SMCO2: variants seen among roughly 807,000 people sequenced by gnomAD.
SMCO2 encodes single-pass membrane and coiled-coil domain-containing protein 2.
Under a neutral mutation model 29.5 loss-of-function variants are expected in SMCO2, and 25 were observed. The observed-to-expected ratio is 0.85, with a 90% CI of 0.62 to 1.18. SMCO2 has a LOEUF of 1.18. Ranked by LOEUF, SMCO2 falls within the 50% of genes most tolerant of loss-of-function variation. The pLI, the probability that SMCO2 is intolerant of heterozygous loss-of-function variation, is 0.00. For synonymous variants in SMCO2, 117 were observed against 123.3 expected, an observed-to-expected ratio of 0.95 and a Z score of 0.34; for missense variants, 348 against 344.5, an observed-to-expected ratio of 1.01 and a Z score of -0.08.
chr12:27,495,718 A>T, exon 7 of SMCO2: 2 of 1,531,176 alleles, frequency 1.3e-6, no homozygotes, highest in Non-Finnish European at 1.8e-6. Flanking sequence ...GTGCAAAGCT[A>T]AGGATGTATC....
chr12:27,440,170 AG>A, the SMCO2 span, among the ~76,000 whole-genome samples: 1 of 152,212 alleles, frequency 6.6e-6, no homozygotes, highest in African/African-American at 2.4e-5. Flanking sequence ...CAGAAACCAC[AG>A]GGGCCAGGAG....
the SMCO2 span, among the ~76,000 whole-genome samples, chr12:27,444,971 T>C: frequency 6.6e-6 from 1 of 152,070 alleles, no homozygotes; most frequent in Non-Finnish European, 1.5e-5. Flanking sequence ...ATAAAGAAAA[T>C]GTGATATATA....
At chr12:27,476,313 A>G (rs962624357) in intron 4 of SMCO2, among the ~76,000 whole-genome samples, 3 of 152,212 alleles carry the variant, frequency 2.0e-5, no homozygotes, top group African/African-American at 7.2e-5. Flanking sequence ...CCTCGTGCTG[A>G]TGAGAAGAAG....
chr12:27,429,166 C>T, the SMCO2 span, among the ~76,000 whole-genome samples: 18 of 151,872 alleles, frequency 1.2e-4, no homozygotes, highest in African/African-American at 3.9e-4. Flanking sequence ...TTTGTAGTAA[C>T]GTATTAGTAG....
chr12:27,490,760 A>G (rs1949728952), intron 5 of SMCO2, among the ~76,000 whole-genome samples: 1 of 152,042 alleles, frequency 6.6e-6, no homozygotes, highest in Non-Finnish European at 1.5e-5. Flanking sequence ...CGAGACCCCT[A>G]TCTCTACAAA....
chr12:27,455,125 G>A, the SMCO2 span, among the ~76,000 whole-genome samples: 113 of 152,304 alleles, frequency 7.4e-4, no homozygotes, highest in Non-Finnish European at 1.3e-3. Context: ...CTGGGTTCTG[G>A]AGGCCCCAGA....
At chr12:27,446,776 A>T in the SMCO2 span, among the ~76,000 whole-genome samples, 5 of 152,012 alleles carry the variant, frequency 3.3e-5, no homozygotes, top group South Asian at 1.0e-3. Flanking sequence ...GCCCTTGGGG[A>T]GCTTCTTAAA....
At chr12:27,474,643 C>A in intron 3 of SMCO2, 143 bp from the exon 4 acceptor site, 1 of 906,348 alleles carries the variant, frequency 1.1e-6, no homozygotes, top group Non-Finnish European at 1.6e-6. Context: ...GTCTGCTTAG[C>A]TTACAGATGC....
At chr12:27,438,155 G>A in the SMCO2 span, among the ~76,000 whole-genome samples, 1 of 152,146 alleles carries the variant, frequency 6.6e-6, no homozygotes, top group African/African-American at 2.4e-5. Context: ...AGTCACTGCA[G>A]ACCACTTCTT....
At chr12:27,473,389 C>A (rs1407628802) in intron 3 of SMCO2, among the ~76,000 whole-genome samples, 1 of 152,088 alleles carries the variant, frequency 6.6e-6, no homozygotes, top group Non-Finnish European at 1.5e-5. Flanking sequence ...CTTTGTCTGT[C>A]TTCTCCTCCT....
chr12:27,501,456 C>CA (rs935784946), intron 7 of SMCO2, among the ~76,000 whole-genome samples: 1 of 129,628 alleles, frequency 7.7e-6, no homozygotes, highest in Non-Finnish European at 1.7e-5. Flanking sequence ...CAAAACAAAA[C>CA]AAAAAAAGCT....
the SMCO2 span, among the ~76,000 whole-genome samples, chr12:27,455,300 G>A: frequency 6.6e-6 from 1 of 152,036 alleles, no homozygotes; most frequent in Non-Finnish European, 1.5e-5. Context: ...TGGGCATATT[G>A]GTACAAGCTT....
the SMCO2 span, among the ~76,000 whole-genome samples, chr12:27,453,444 C>T: frequency 6.6e-6 from 1 of 152,170 alleles, no homozygotes; most frequent in Admixed American, 6.5e-5. Flanking sequence ...GGAACATTCT[C>T]TTATATATAT....
the SMCO2 span, among the ~76,000 whole-genome samples, chr12:27,429,533 C>A: frequency 2.1e-4 from 31 of 151,138 alleles, no homozygotes; most frequent in Admixed American, 1.9e-3. Flanking sequence ...CCAGAGCAAC[C>A]ACTTATACCT....
At chr12:27,477,461 G>A (rs2135552856) in intron 4 of SMCO2, among the ~76,000 whole-genome samples, 2 of 151,680 alleles carry the variant, frequency 1.3e-5, no homozygotes, top group South Asian at 4.2e-4. Context: ...TGTGTTTTCT[G>A]TATTTGAATG....
chr12:27,483,621 C>T (rs537623286), intron 4 of SMCO2, among the ~76,000 whole-genome samples: 3 of 152,066 alleles, frequency 2.0e-5, no homozygotes, highest in South Asian at 4.2e-4. Flanking sequence ...GACAAGGTCT[C>T]GCTTTGTTGC....
intron 4 of SMCO2, among the ~76,000 whole-genome samples, chr12:27,480,167 AAGAG>A (rs997654567): frequency 3.3e-5 from 5 of 152,152 alleles, no homozygotes; most frequent in Admixed American, 2.0e-4. Flanking sequence ...ATGGCACAGG[AAGAG>A]AGAGAGAGTG....
the SMCO2 span, chr12:27,425,212 GAA>G: frequency 1.3e-5 from 2 of 151,672 alleles, no homozygotes; most frequent in African/African-American, 4.8e-5. Flanking sequence ...GGTAAATAAT[GAA>G]AAGAGTGAAA....
chr12:27,433,205 C>T, the SMCO2 span, among the ~76,000 whole-genome samples: 6 of 152,050 alleles, frequency 3.9e-5, no homozygotes, highest in African/African-American at 1.4e-4. Context: ...CTAGCATTTT[C>T]AGGAATACAA....
Sources: gnomAD v4.1 joint callset for allele counts (sites outside exome capture counted in the v4.1 genomes callset) on GRCh38, gnomAD v4.1.1 for gene constraint, MANE v1.5 for transcripts, NCBI Gene and HGNC (gene_info 2026-07-23, HGNC 2026-07-21) for gene names.